Variants in SNAPC4 observed in about 807,000 individuals in gnomAD.
SNAPC4 encodes snRNA-activating protein complex subunit 4.
In SNAPC4, 127 loss-of-function variants were observed where a neutral mutation model predicts 151.3. The ratio of observed to expected loss-of-function variants is 0.84; its 90% CI spans 0.73 to 0.97. The LOEUF (loss-of-function observed/expected upper bound fraction) is 0.97. Ranked by LOEUF, SNAPC4 falls within the 50% of genes least tolerant of loss-of-function variation. The pLI is 0.00. For missense variants in SNAPC4, 2,186 were observed against 1,935.0 expected, an observed-to-expected ratio of 1.13 and a Z score of -2.43; for synonymous variants, 1,002 against 824.4, an observed-to-expected ratio of 1.22 and a Z score of -3.69.
At chr9:136,390,929 G>C (rs1000825993) in intron 10 of SNAPC4, among the ~76,000 whole-genome samples, 2 of 152,066 alleles carry the variant, frequency 1.3e-5, no homozygotes, top group Non-Finnish European at 2.9e-5. Context: ...CCGCCTCCCG[G>C]GTTCACGCCA....
At chr9:136,381,191 A>G (rs546024134) in intron 19 of SNAPC4, 131 bp downstream of exon 19, 7 of 761,644 alleles carry the variant, frequency 9.2e-6, no homozygotes, top group Admixed American at 2.0e-5. Context: ...TAAGGCATGA[A>G]AAGTGCATTT....
chr9:136,399,488 C>G (rs1834381568), intron 1 of SNAPC4, among the ~76,000 whole-genome samples: 1 of 152,242 alleles, frequency 6.6e-6, no homozygotes. Context: ...CACGAGGCTG[C>G]TGCCTCCCCC....
intron 7 of SNAPC4, 120 bp downstream of exon 7, chr9:136,394,129 G>A: frequency 4.9e-6 from 4 of 816,420 alleles, no homozygotes; most frequent in South Asian, 1.4e-5. Flanking sequence ...TGTTGCCCAG[G>A]CTGGGCTTGA....
At position 136,383,020 on chromosome 9, in the gene SNAPC4, C is replaced by T. The variant is rs2131471014; in HGVS notation, c.1983+166G>A. 6.6e-6 allele frequency among the ~76,000 whole-genome samples: 1 copy of T among 152,350 alleles called. No homozygotes were observed. Among genetic ancestry groups the T allele is most frequent in the Admixed American group, 6.5e-5 (1 of 15,304 alleles). Reference sequence around the variant, plus strand: ...CAAGCCAGGAAAAATGGAGGCTTCCCCAACAGTCCCCCCGACGCACAGCTG... The same window carrying T: ...CAAGCCAGGAAAAATGGAGGCTTCCTCAACAGTCCCCCCGACGCACAGCTG... On this transcript the variant is annotated intron_variant, in intron 16 of 23. Transcript: ENST00000684778. This position sits in a 1 kb window ranked among gnomAD's most constrained non-coding sequence, Gnocchi z 4.2.
intron 18 of SNAPC4, 112 bp downstream of exon 18, chr9:136,381,712 G>C (rs1833698710): frequency 1.5e-6 from 2 of 1,365,250 alleles, no homozygotes; most frequent in East Asian, 4.6e-5. Flanking sequence ...ACCCCAAAAA[G>C]ACTCCCCTGC....
rs1343310341 is a variant in SNAPC4 at position 136,388,679 on chromosome 9, C to G, written c.976-88G>C. 2.6e-6 allele frequency: 4 copies of G among 1,530,904 alleles called. No homozygotes were observed. The African/African-American group carries it at 5.5e-5, about 21-fold the overall frequency. The allele number at this position is 1,530,904 out of a possible 1,614,324, so 94.8% of individuals were successfully genotyped here. A position where few individuals can be genotyped will look rare whatever the true frequency, so the allele number is the denominator to read the frequency against. ...CTGAGTGCCCCAGGGCACAGGTGGG[C>G]CCATGAGCCACTGGGGTGACCCTTC... On this transcript the variant is annotated intron_variant, in intron 10 of 23. Coordinates refer to ENST00000684778, the MANE Select transcript of SNAPC4 (RefSeq NM_003086.4).
chr9:136,397,669 G>A (rs1588770495), intron 2 of SNAPC4, among the ~76,000 whole-genome samples: 6 of 108,950 alleles, frequency 5.5e-5, no homozygotes, highest in East Asian at 3.2e-4. Flanking sequence ...AGGGGAGCAC[G>A]TGGGGAGGGG....
intron 22 of SNAPC4, 130 bp from the exon 23 acceptor site, chr9:136,376,611 C>T (rs981673947): frequency 1.6e-5 from 18 of 1,092,416 alleles, no homozygotes; most frequent in South Asian, 1.1e-4. Flanking sequence ...TCAGCTCAGG[C>T]GGGAGCTGCT....
Position 136,385,645 on chromosome 9 carries a change from T to G in SNAPC4, c.1326-831A>C, listed in dbSNP as rs1833865711. On this transcript the variant is annotated intron_variant, in intron 13 of 23. Coordinates refer to ENST00000684778, the MANE Select transcript of SNAPC4 (RefSeq NM_003086.4). ...ATCTCAGCTCGCTGCAACCACCAAC[T>G]CCCAGGTTCAAGTGATTCTCCTGCC... is the stretch of plus-strand genomic sequence containing the variant. 2.0e-5 allele frequency among the ~76,000 whole-genome samples: 3 copies of G among 150,296 alleles called. No individual in the cohort carries two copies. The South Asian group carries it at 6.7e-4, about 34-fold the overall frequency.
chr9:136,376,430 T>C lies in SNAPC4; in HGVS notation c.4336A>G (p.Asn1446Asp), dbSNP rs1245815733. The change falls in exon 23 of 24, where the codon AAT (asparagine) becomes GAT (aspartate). Residue 1446 changes from asparagine to aspartate, a missense_variant. By Grantham distance (23) the Asn-to-Asp change is conservative. Transcript: ENST00000684778. The part of the protein sequence containing the change: ...CSASSCLDTS[N>D]DPDDLDVLRT... ...AGCACGTCCAGGTCGTCAGGGTCAT[T>C]AGAAGTATCCAGGCAGGAGGAAGCA... 1.9e-6 allele frequency: 3 copies of C among 1,613,448 alleles called. No homozygotes were observed. Among genetic ancestry groups the C allele is most frequent in the East Asian group, 4.5e-5 (2 of 44,882 alleles).
rs1405408742 is a variant in SNAPC4 at position 136,387,800 on chromosome 9, C to G, written c.1172G>C (p.Trp391Ser). The G allele has an allele frequency of 6.2e-7, 1 of 1,613,032 alleles. No homozygotes were observed. ...GRDSMQLIYRWTKSLDPGLKK... is the reference protein window; with the variant it reads ...GRDSMQLIYRSTKSLDPGLKK... ...CAGACCAGGATCCAAGCTCTTGGTCCATCGGTAGATCAGCTGCATGGAGTC... is the reference window on the plus strand; with the variant it reads ...CAGACCAGGATCCAAGCTCTTGGTCGATCGGTAGATCAGCTGCATGGAGTC... Residue 391 changes from tryptophan to serine, a missense_variant, in exon 12 of 24, where the codon TGG becomes TCG. Coordinates refer to ENST00000684778, the MANE Select transcript of SNAPC4 (RefSeq NM_003086.4).
At chr9:136,391,128 C>T (rs1834059389) in intron 10 of SNAPC4, among the ~76,000 whole-genome samples, 1 of 152,172 alleles carries the variant, frequency 6.6e-6, no homozygotes, top group Admixed American at 6.5e-5. Context: ...GCCACTGTGC[C>T]CGGCAGAATT....
At chr9:136,399,559 A>C (rs1368526183) in intron 1 of SNAPC4, among the ~76,000 whole-genome samples, 1 of 152,050 alleles carries the variant, frequency 6.6e-6, no homozygotes, top group African/African-American at 2.4e-5. Flanking sequence ...ACACGTGCTG[A>C]GCCACTGACA....
intron 10 of SNAPC4, 59 bp from the exon 11 acceptor site, chr9:136,388,650 G>T: frequency 6.2e-7 from 1 of 1,603,512 alleles, no homozygotes; most frequent in East Asian, 2.2e-5. Flanking sequence ...GTCCAGATCT[G>T]GCTCTGAGTG....
chr9:136,390,554 GAAAAAAAAA>G (rs58732608), intron 10 of SNAPC4, among the ~76,000 whole-genome samples: 2 of 48,804 alleles, frequency 4.1e-5, no homozygotes, highest in Admixed American at 3.3e-4. Context: ...GACTCTGTTT[GAAAAAAAAA>G]AAAAAAAAAA....
At chr9:136,385,026 C>T (rs188715262) in intron 13 of SNAPC4, among the ~76,000 whole-genome samples, 46 of 152,286 alleles carry the variant, frequency 3.0e-4, no homozygotes, top group African/African-American at 1.0e-3. Flanking sequence ...TGGGAGAGAA[C>T]GTTTGCAAGT....
Position 136,387,589 on chromosome 9 carries a change from G to A in SNAPC4, c.1231-10C>T. ...CAGCTTGAAGCAACTTCTGCAGGAA[G>A]GGACAGGCAGACAAGTGAAGCCTCT... On this transcript the variant is annotated splice_polypyrimidine_tract_variant and intron_variant, in intron 12 of 23. Coordinates refer to ENST00000684778, the MANE Select transcript of SNAPC4 (RefSeq NM_003086.4). 6.2e-7 allele frequency: 1 copy of A among 1,603,538 alleles called. No homozygotes were observed. The highest frequency in any genetic ancestry group is 1.1e-5 in the South Asian group (1 of 90,910).
At chr9:136,387,955 C>T in intron 11 of SNAPC4, 107 bp from the exon 12 acceptor site, 2 of 711,576 alleles carry the variant, frequency 2.8e-6, no homozygotes, top group South Asian at 3.0e-5. Context: ...ACCCACCCTC[C>T]AGATGGGTCA....
intron 20 of SNAPC4, among the ~76,000 whole-genome samples, chr9:136,380,359 A>C (rs1383734087): frequency 6.6e-6 from 1 of 152,176 alleles, no homozygotes; most frequent in East Asian, 1.9e-4. Flanking sequence ...TGCTCCTCCA[A>C]TGAGTGACAC....
Sources: gnomAD v4.1 joint callset for allele counts (sites outside exome capture counted in the v4.1 genomes callset) on GRCh38, gnomAD v4.1.1 for gene constraint, Gnocchi (gnomAD v3.1) non-coding constraint, MANE v1.5 for transcripts, NCBI Gene and HGNC (gene_info 2026-07-23, HGNC 2026-07-21) for gene names.